The following SHANK2 variants were observed in gnomAD, a reference collection of about 807,000 sequenced individuals.
SHANK2 encodes the protein SH3 and multiple ankyrin repeat domains 2, also known as SH3 and multiple ankyrin repeat domains protein 2.
In SHANK2, 43 loss-of-function variants were observed where a neutral mutation model predicts 133.7. The ratio of observed to expected loss-of-function variants is 0.32; its 90% CI spans 0.25 to 0.41. The LOEUF (loss-of-function observed/expected upper bound fraction) is 0.41, where lower values mean the gene tolerates loss of function less well. Among genes scored for constraint, SHANK2 ranks in the 10% least tolerant of loss-of-function variants. The pLI is 1.00. For missense variants in SHANK2, 1,994 were observed against 2,235.8 expected (o/e 0.89, Z 2.18); for synonymous variants, 1,017 against 952.8 (o/e 1.07, Z -1.24).
At chr11:70,760,695 T>A (rs1173739566) in intron 14 of SHANK2, among the ~76,000 whole-genome samples, 1 of 152,176 alleles carries the variant, frequency 6.6e-6, no homozygotes, top group Non-Finnish European at 1.5e-5. Context: ...GAAGGCCCCA[T>A]GGTGGCTGCT....
intron 21 of SHANK2, among the ~76,000 whole-genome samples, chr11:70,499,740 G>A (rs1206431225): frequency 6.6e-6 from 1 of 152,210 alleles, no homozygotes; most frequent in Admixed American, 6.5e-5. Flanking sequence ...GGCAGCTGTA[G>A]GATGCTGGTG....
chr11:71,082,952 C>CG (rs1398732900), intron 8 of SHANK2, among the ~76,000 whole-genome samples: 4 of 149,250 alleles, frequency 2.7e-5, no homozygotes, highest in Non-Finnish European at 4.5e-5. Flanking sequence ...CGCCCCCCCC[C>CG]CAACCCTTCT....
chr11:70,933,754 T>C (rs11238021), intron 10 of SHANK2, among the ~76,000 whole-genome samples: 96,706 of 151,300 alleles, frequency 0.64, 35,221 homozygotes, highest in Non-Finnish European at 0.79. Context: ...ATCCTGTCTC[T>C]ACTAAAAATA....
intron 11 of SHANK2, among the ~76,000 whole-genome samples, chr11:70,847,164 G>A (rs781893772): frequency 6.6e-6 from 1 of 152,140 alleles, no homozygotes; most frequent in Non-Finnish European, 1.5e-5. Flanking sequence ...CCCAGTACAG[G>A]GTCCTGGGAG....
intron 17 of SHANK2, among the ~76,000 whole-genome samples, chr11:70,573,609 C>A (rs1285317330): frequency 6.6e-6 from 1 of 151,636 alleles, no homozygotes; most frequent in African/African-American, 2.4e-5. Context: ...GGGACCAAGA[C>A]ATGAAGATGA....
chr11:70,652,067 T>C (rs372139194), intron 17 of SHANK2, among the ~76,000 whole-genome samples: 4 of 152,370 alleles, frequency 2.6e-5, no homozygotes, highest in East Asian at 1.9e-4. Context: ...GGCTCTGGCC[T>C]TGGCCCTGGG....
intron 14 of SHANK2, among the ~76,000 whole-genome samples, chr11:70,773,968 G>A (rs566718474): frequency 5.9e-5 from 9 of 152,236 alleles, no homozygotes; most frequent in Middle Eastern, 3.4e-3. Context: ...TAGCAATTCC[G>A]CTCCTAGATA....
rs762580263 is a variant in SHANK2, at chr11:71,235,811, G to A, written c.-112-11015C>T. On this transcript the variant is annotated intron_variant, in intron 1 of 25. Transcript: ENST00000601538. ...TTTTTGTCAGAAGCCACCTCCTGAG[G>A]TCTATGTGACACAGCCTGTGGGGAG... 3.2e-4 allele frequency among the ~76,000 whole-genome samples: 48 copies of A among 152,324 alleles called. 2 individuals carry two copies. The highest frequency in any genetic ancestry group is 4.4e-4 in the Non-Finnish European group (30 of 68,040).
intron 3 of SHANK2, among the ~76,000 whole-genome samples, chr11:71,141,909 GCA>G (rs1156709016): frequency 6.6e-6 from 1 of 151,872 alleles, no homozygotes; most frequent in Non-Finnish European, 1.5e-5. Context: ...CAGGGACCCC[GCA>G]CAGACACAAA....
intron 10 of SHANK2, among the ~76,000 whole-genome samples, chr11:70,947,412 G>T (rs149341424): frequency 0.013 from 1,864 of 148,518 alleles, 39 homozygotes; most frequent in African/African-American, 0.043. Context: ...GAGTGCAGTG[G>T]CACAATCTTG....
At chr11:70,628,809 GA>G (rs2060939397) in intron 17 of SHANK2, among the ~76,000 whole-genome samples, 1 of 152,228 alleles carries the variant, frequency 6.6e-6, no homozygotes, top group Non-Finnish European at 1.5e-5. Context: ...TGTCTAGGAA[GA>G]GTCTCTTGAC....
At chr11:71,134,439 A>ATTT (rs376602865) in intron 3 of SHANK2, among the ~76,000 whole-genome samples, 8 of 134,108 alleles carry the variant, frequency 6.0e-5, no homozygotes, top group Admixed American at 7.7e-5. Flanking sequence ...TTACATCTCA[A>ATTT]TTTTTTTTTT....
intron 2 of SHANK2, among the ~76,000 whole-genome samples, chr11:71,192,798 G>A (rs1565505846): frequency 6.6e-6 from 1 of 152,186 alleles, no homozygotes; most frequent in Non-Finnish European, 1.5e-5. Context: ...AGCTATCAGA[G>A]GCTATCAGCT....
chr11:71,077,529 C>T (rs1420244071), intron 8 of SHANK2, among the ~76,000 whole-genome samples: 4 of 152,134 alleles, frequency 2.6e-5, no homozygotes, highest in Admixed American at 6.5e-5. Flanking sequence ...CACACAAACC[C>T]GGGAAATACA....
chr11:71,224,465 C>T (rs2135742692), intron 2 of SHANK2, among the ~76,000 whole-genome samples: 1 of 152,334 alleles, frequency 6.6e-6, no homozygotes, highest in Middle Eastern at 3.4e-3. Context: ...GAGCACGGTC[C>T]AGTAGCCAGA....
At chr11:70,562,383 T>C (rs947233394) in intron 17 of SHANK2, among the ~76,000 whole-genome samples, 1 of 152,248 alleles carries the variant, frequency 6.6e-6, no homozygotes, top group Non-Finnish European at 1.5e-5. Context: ...GAAGTGATTA[T>C]ACTTGTAGTT....
Position 70,914,231 on chromosome 11 carries a change from C to T in SHANK2, c.1108-17664G>A, listed in dbSNP as rs115516303. The stretch of plus-strand genomic sequence containing the variant: ...TCGGGCTCTGGGGCTCATACAGAGC[C>T]ACAGGAACAAGTGTGCAATGGGGTT... On this transcript the variant is annotated intron_variant, in intron 10 of 25. Transcript: ENST00000601538. Among the ~76,000 whole-genome samples, 485 of 152,204 alleles carry T rather than the reference C, an allele frequency of 3.2e-3. 5 individuals carry two copies. The highest frequency in any genetic ancestry group is 0.011 in the African/African-American group (463 of 41,536).
chr11:70,565,687 T>C (rs2059959770), intron 17 of SHANK2, among the ~76,000 whole-genome samples: 2 of 152,236 alleles, frequency 1.3e-5, no homozygotes, highest in Non-Finnish European at 2.9e-5. Context: ...GTGATCACTA[T>C]CATTTATTAC....
At chr11:71,118,070 T>C (rs1315959325) in intron 4 of SHANK2, among the ~76,000 whole-genome samples, 2 of 152,030 alleles carry the variant, frequency 1.3e-5, no homozygotes, top group Non-Finnish European at 2.9e-5. Context: ...CACCACCCAT[T>C]AGGCGCTGGG....
Sources: gnomAD v4.1 joint callset for allele counts (sites outside exome capture counted in the v4.1 genomes callset) on GRCh38, gnomAD v4.1.1 for gene constraint, MANE v1.5 for transcripts, NCBI Gene and HGNC (gene_info 2026-07-23, HGNC 2026-07-21) for gene names.